The following SOX17 variants were observed in gnomAD, a reference collection of about 807,000 sequenced individuals.
SOX17 encodes the protein SRY-box transcription factor 17, also known as transcription factor SOX-17.
A neutral mutation model predicts 16.0 loss-of-function variants in SOX17; 4 were observed. The ratio of observed to expected loss-of-function variants is 0.25; its 90% CI spans 0.12 to 0.57. The LOEUF is 0.57. Ranked by LOEUF, SOX17 falls within the 20% of genes least tolerant of loss-of-function variation. The pLI, the probability that SOX17 is intolerant of heterozygous loss-of-function variation, is 0.92. For missense variants in SOX17, 633 were observed against 609.7 expected, an observed-to-expected ratio of 1.04 and a Z score of -0.40; for synonymous variants, 357 against 284.6, an observed-to-expected ratio of 1.25 and a Z score of -2.56.
Position 54,460,326 on chromosome 8 carries a change from T to A in SOX17, c.*331T>A. The A allele has an allele frequency of 2.3e-6, 1 of 426,642 alleles. No homozygotes were observed. Among genetic ancestry groups the A allele is most frequent in the South Asian group, 3.1e-5 (1 of 32,786 alleles). 26.4% of individuals were successfully genotyped at this position (426,642 alleles called of 1,614,324 possible). A position where few individuals can be genotyped will look rare whatever the true frequency, so the allele number is the denominator to read the frequency against. On this transcript the variant is annotated 3_prime_UTR_variant, in exon 2 of 2. Transcript: ENST00000297316. ...TTTATTGATCAAAGAAATGTTGTCC[T>A]GGGTGTGTTTTTTCAATCTTCTAAA...
Position 54,457,970 on chromosome 8 carries a change from G to C in SOX17, c.-169G>C, listed in dbSNP as rs922636782. ...TAGGCCGGCTGGGGGCCCTGGGTAC[G>C]CTGTAGACCAGACCGCGACAGGCCA... On this transcript the variant is annotated 5_prime_UTR_variant, in exon 1 of 2. Coordinates refer to ENST00000297316, the MANE Select transcript of SOX17 (RefSeq NM_022454.4). 3 of 789,312 alleles carry C rather than the reference G, an allele frequency of 3.8e-6. No homozygotes were observed. Among genetic ancestry groups the C allele is most frequent in the Non-Finnish European group, 5.5e-6 (3 of 542,682 alleles). 48.9% of individuals were successfully genotyped at this position (789,312 alleles called of 1,614,324 possible). A position where few individuals can be genotyped will look rare whatever the true frequency, so the allele number is the denominator to read the frequency against.
At chr8:54,458,720 G>C (rs1804678399) in intron 1 of SOX17, among the ~76,000 whole-genome samples, 1 of 152,230 alleles carries the variant, frequency 6.6e-6, no homozygotes, top group Admixed American at 6.5e-5. Context: ...GGCACCTCCG[G>C]GCGGCGCGAG....
At position 54,460,214 on chromosome 8, in the gene SOX17, A is replaced by T. The variant is rs768729120; in HGVS notation, c.*219A>T. The T allele has an allele frequency of 2.1e-5, 13 of 608,004 alleles. No individual in the cohort carries two copies. Among genetic ancestry groups the T allele is most frequent in the South Asian group, 1.6e-4 (8 of 49,506 alleles). The allele number at this position is 608,004 out of a possible 1,614,324, so 37.7% of individuals were successfully genotyped here. A position where few individuals can be genotyped will look rare whatever the true frequency, so the allele number is the denominator to read the frequency against. ...AAATTTGTTCAGAGATTTGTTTCCCATAGTTGGATTGTCAAAACCCTATTT... is the reference window on the plus strand; with the variant it reads ...AAATTTGTTCAGAGATTTGTTTCCCTTAGTTGGATTGTCAAAACCCTATTT... On this transcript the variant is annotated 3_prime_UTR_variant, in exon 2 of 2. Transcript: ENST00000297316.
In SOX17 at chr8:54,458,103, G is replaced by A. The variant is rs111291289; in HGVS notation, c.-36G>A. The A allele has an allele frequency of 6.9e-6, 10 of 1,447,802 alleles. No individual in the cohort carries two copies. Among genetic ancestry groups the A allele is most frequent in the East Asian group, 2.6e-5 (1 of 38,296 alleles). The allele number at this position is 1,447,802 out of a possible 1,614,324, so 89.7% of individuals were successfully genotyped here. On this transcript the variant is annotated 5_prime_UTR_variant, in exon 1 of 2. Coordinates refer to ENST00000297316, the MANE Select transcript of SOX17 (RefSeq NM_022454.4). ...GGTCGGGGGAGGCGGCGCGTCCGGC[G>A]GAGGGTTGAGGGGAGCGGGGCAGGC...
Position 54,459,431 on chromosome 8 carries a change from G to A in SOX17, c.681G>A (p.Leu227=), listed in dbSNP as rs1247371413. 6.5e-7 allele frequency: 1 copy of A among 1,528,532 alleles called. No homozygotes were observed. The highest frequency in any genetic ancestry group is 8.7e-7 in the Non-Finnish European group (1 of 1,145,918). The allele number at this position is 1,528,532 out of a possible 1,614,324, so 94.7% of individuals were successfully genotyped here. The change falls in exon 2 of 2, where the codon CTG becomes CTA. Residue 227 remains leucine (L), a synonymous_variant. Transcript: ENST00000297316. Reference sequence around the variant, plus strand: ...TGCCCACGCCCGACACGTCCCCGCTGGACGGCGTGGACCCCGACCCGGCTT... The same window carrying A: ...TGCCCACGCCCGACACGTCCCCGCTAGACGGCGTGGACCCCGACCCGGCTT... ...YPLPTPDTSP[L]DGVDPDPAFF...
chr8:54,458,253 A>T lies in SOX17; in HGVS notation c.115A>T (p.Ile39Phe), dbSNP rs1350735687. 6.2e-7 allele frequency: 1 copy of T among 1,604,820 alleles called. No individual in the cohort carries two copies. The highest frequency in any genetic ancestry group is 8.5e-7 in the Non-Finnish European group (1 of 1,176,524). ...CCCCTGGGCCGAGTCGCTGAGCCCC[A>T]TCGGGGACATGAAGGTGAAGGGCGA... ...PCPWAESLSP[I>F]GDMKVKGEAP... The change falls in exon 1 of 2, where the codon ATC becomes TTC. Residue 39 changes from isoleucine to phenylalanine, a missense_variant. Transcript: ENST00000297316.
At position 54,459,760 on chromosome 8, in the gene SOX17, C is replaced by T; in HGVS notation, c.1010C>T (p.Pro337Leu). The change falls in exon 2 of 2, where the codon CCG becomes CTG. Residue 337 changes from proline (P) to leucine (L), a missense_variant. This residue lies in a region of SOX17 where 479 missense variants were observed against 397.2 expected (regional missense o/e 1.21). Coordinates refer to ENST00000297316, the MANE Select transcript of SOX17 (RefSeq NM_022454.4). ...GGCCCCGGACAGCCGTCGCCCCCTC[C>T]GGAGGCACTGCCCTGCCGGGACGGC... ...PPGPGQPSPP[P>L]EALPCRDGTD... 3 of 1,584,566 alleles carry T rather than the reference C, an allele frequency of 1.9e-6. No individual in the cohort carries two copies. Among genetic ancestry groups the T allele is most frequent in the South Asian group, 2.3e-5 (2 of 87,976 alleles).
rs2129278076 is a variant in SOX17, at chr8:54,459,154, A to C, written c.404A>C (p.Tyr135Ser). The part of the protein sequence containing the change: ...RVQHMQDHPN[Y>S]KYRPRRRKQV... Reference sequence around the variant, plus strand: ...CAGCACATGCAGGACCACCCCAACTACAAGTACCGGCCGCGGCGGCGCAAG... The same window carrying C: ...CAGCACATGCAGGACCACCCCAACTCCAAGTACCGGCCGCGGCGGCGCAAG... The change falls in exon 2 of 2, where the codon TAC (tyrosine) becomes TCC (serine). Residue 135 changes from tyrosine (Y) to serine (S), a missense_variant. Tyr to Ser is a moderately radical substitution (Grantham distance 144, BLOSUM62 -2). This residue lies in a region of SOX17 where 39 missense variants were observed against 46.5 expected (regional missense o/e 0.84). Transcript: ENST00000297316. The C allele has an allele frequency of 6.2e-7, 1 of 1,607,014 alleles. No homozygotes were observed. The highest frequency in any genetic ancestry group is 8.5e-7 in the Non-Finnish European group (1 of 1,177,428).
At position 54,457,956 on chromosome 8, in the gene SOX17, G is replaced by A. The variant is rs564417874; in HGVS notation, c.-183G>A. 808 of 691,352 alleles carry A rather than the reference G, an allele frequency of 1.2e-3. 15 individuals are homozygous for A. In the Admixed American group the frequency reaches 0.026, roughly 22 times the overall value. 42.8% of individuals were successfully genotyped at this position (691,352 alleles called of 1,614,324 possible). A position where few individuals can be genotyped will look rare whatever the true frequency, so the allele number is the denominator to read the frequency against. ...GCCCGCAGTGTCACTAGGCCGGCTG[G>A]GGGCCCTGGGTACGCTGTAGACCAG... On this transcript the variant is annotated 5_prime_UTR_variant, in exon 1 of 2. Coordinates refer to ENST00000297316, the MANE Select transcript of SOX17 (RefSeq NM_022454.4).
At position 54,458,175 on chromosome 8, in the gene SOX17, C is replaced by A; in HGVS notation, c.37C>A (p.Gln13Lys). ...GGATGCGGGATACGCCAGTGACGAC[C>A]AGAGCCAGACCCAGAGCGCGCTGCC... The part of the protein sequence containing the change: ...SPDAGYASDD[Q>K]SQTQSALPAV... Residue 13 changes from glutamine (Q) to lysine (K), a missense_variant, in exon 1 of 2, where the codon CAG (glutamine) becomes AAG (lysine). This residue lies in a region of SOX17 where 94 missense variants were observed against 98.7 expected (regional missense o/e 0.95). Transcript: ENST00000297316. 1 of 1,585,026 alleles carries A rather than the reference C, an allele frequency of 6.3e-7. No individual in the cohort carries two copies. Among genetic ancestry groups the A allele is most frequent in the Non-Finnish European group, 8.5e-7 (1 of 1,171,012 alleles).
In SOX17 at chr8:54,459,221, C is replaced by G. The variant is rs577354460; in HGVS notation, c.471C>G (p.His157Gln). ...RLKRVEGGFLHGLAEPQAAAL... is the reference protein window; with the variant it reads ...RLKRVEGGFLQGLAEPQAAAL... ...AGCGGGTGGAGGGCGGCTTCCTGCA[C>G]GGCCTGGCTGAGCCGCAGGCGGCCG... is the stretch of plus-strand genomic sequence containing the variant. The change falls in exon 2 of 2, where the codon CAC becomes CAG. Residue 157 changes from histidine (H) to glutamine (Q), a missense_variant. This residue lies in a region of SOX17 where 479 missense variants were observed against 397.2 expected (regional missense o/e 1.21). Transcript: ENST00000297316. 1.9e-6 allele frequency: 3 copies of G among 1,555,678 alleles called. No individual in the cohort carries two copies. Among genetic ancestry groups the G allele is most frequent in the Non-Finnish European group, 1.7e-6 (2 of 1,154,224 alleles).
At position 54,459,215 on chromosome 8, in the gene SOX17, C is replaced by A; in HGVS notation, c.465C>A (p.Phe155Leu). ...VKRLKRVEGG[F>L]LHGLAEPQAA... ...GGCTGAAGCGGGTGGAGGGCGGCTT[C>A]CTGCACGGCCTGGCTGAGCCGCAGG... Residue 155 changes from phenylalanine to leucine, a missense_variant, in exon 2 of 2, where the codon TTC becomes TTA. Transcript: ENST00000297316. 1.9e-6 allele frequency: 3 copies of A among 1,563,034 alleles called. No individual in the cohort carries two copies. The highest frequency in any genetic ancestry group is 2.6e-6 in the Non-Finnish European group (3 of 1,157,544).
In SOX17 at chr8:54,458,599, C is replaced by T. The variant is rs1804675992; in HGVS notation, c.307+154C>T. Among the ~76,000 whole-genome samples the T allele has an allele frequency of 1.3e-5, 2 of 152,210 alleles. 1 individual carries two copies. Among genetic ancestry groups the T allele is most frequent in the South Asian group, 4.1e-4 (2 of 4,832 alleles). ...TTCTTAAGGCTCTGGGTTCCCTTCC[C>T]GCTTCCCGCCCTCCGACCCTCCAAA... On this transcript the variant is annotated intron_variant, in intron 1 of 1. Coordinates refer to ENST00000297316, the MANE Select transcript of SOX17 (RefSeq NM_022454.4).
At position 54,458,237 on chromosome 8, in the gene SOX17, C is replaced by A. The variant is rs1363707702; in HGVS notation, c.99C>A (p.Ala33=). The change falls in exon 1 of 2, where the codon GCC becomes GCA. Residue 33 remains alanine, a synonymous_variant. Coordinates refer to ENST00000297316, the MANE Select transcript of SOX17 (RefSeq NM_022454.4). ...CCGGGCTGGGCCCCTGCCCCTGGGC[C>A]GAGTCGCTGAGCCCCATCGGGGACA... is the stretch of plus-strand genomic sequence containing the variant. ...VMAGLGPCPW[A]ESLSPIGDMK... 1 of 1,599,478 alleles carries A rather than the reference C, an allele frequency of 6.3e-7. No homozygotes were observed. The highest frequency in any genetic ancestry group is 1.1e-5 in the South Asian group (1 of 89,628).
chr8:54,459,268 G>A lies in SOX17; in HGVS notation c.518G>A (p.Arg173His), dbSNP rs1010687929. ...QAAALGPEGG[R>H]VAMDGLGLQF... is the part of the protein sequence containing the mutation. ...GCCGCGCTGGGCCCCGAGGGCGGCCGCGTGGCCATGGACGGCCTGGGCCTC... is the reference window on the plus strand; with the variant it reads ...GCCGCGCTGGGCCCCGAGGGCGGCCACGTGGCCATGGACGGCCTGGGCCTC... The change falls in exon 2 of 2, where the codon CGC becomes CAC. Residue 173 changes from arginine (R) to histidine (H), a missense_variant. Arg to His is a conservative substitution (Grantham distance 29). This residue lies in a region of SOX17 where 479 missense variants were observed against 397.2 expected (regional missense o/e 1.21). Transcript: ENST00000297316. The A allele has an allele frequency of 1.3e-6, 2 of 1,503,188 alleles. No homozygotes were observed. Among genetic ancestry groups the A allele is most frequent in the Non-Finnish European group, 1.8e-6 (2 of 1,131,930 alleles). 93.1% of individuals were successfully genotyped at this position (1,503,188 alleles called of 1,614,324 possible).
rs1213937231 is a variant in SOX17 at position 54,457,937 on chromosome 8, A to T, written c.-202A>T. 8.5e-6 allele frequency: 5 copies of T among 589,210 alleles called. No individual in the cohort carries two copies. The highest frequency in any genetic ancestry group is 1.4e-5 in the Non-Finnish European group (5 of 365,036). The allele number at this position is 589,210 out of a possible 1,614,324, so 36.5% of individuals were successfully genotyped here. Reference sequence around the variant, plus strand: ...GGCCCCGCGGCCCAGGGGCGCCCGCAGTGTCACTAGGCCGGCTGGGGGCCC... The same window carrying T: ...GGCCCCGCGGCCCAGGGGCGCCCGCTGTGTCACTAGGCCGGCTGGGGGCCC... On this transcript the variant is annotated 5_prime_UTR_variant, in exon 1 of 2. Coordinates refer to ENST00000297316, the MANE Select transcript of SOX17 (RefSeq NM_022454.4).
Position 54,460,368 on chromosome 8 carries a change from C to T in SOX17, c.*373C>T. On this transcript the variant is annotated 3_prime_UTR_variant, in exon 2 of 2. Coordinates refer to ENST00000297316, the MANE Select transcript of SOX17 (RefSeq NM_022454.4). The stretch of plus-strand genomic sequence containing the variant: ...TCTTCTAAAAAATAAAATCTGGAAT[C>T]CTGCTTTTTTGCTCTACTAGTACCT... The T allele has an allele frequency of 2.6e-6, 1 of 388,868 alleles. No homozygotes were observed. The highest frequency in any genetic ancestry group is 4.4e-5 in the East Asian group (1 of 22,502). The allele number at this position is 388,868 out of a possible 1,614,324, so 24.1% of individuals were successfully genotyped here.
Position 54,459,444 on chromosome 8 carries a change from C to A in SOX17, c.694C>A (p.Pro232Thr), listed in dbSNP as rs765346092. ...CACGTCCCCGCTGGACGGCGTGGAC[C>A]CCGACCCGGCTTTCTTCGCCGCCCC... ...PDTSPLDGVD[P>T]DPAFFAAPMP... is the part of the protein sequence containing the mutation. Residue 232 changes from proline to threonine, a missense_variant, in exon 2 of 2, where the codon CCC (proline) becomes ACC (threonine). Pro to Thr is a conservative substitution (Grantham distance 38). Transcript: ENST00000297316. 1.8e-5 allele frequency: 27 copies of A among 1,524,710 alleles called. No individual in the cohort carries two copies. The highest frequency in any genetic ancestry group is 2.2e-5 in the Non-Finnish European group (25 of 1,143,500). 94.4% of individuals were successfully genotyped at this position (1,524,710 alleles called of 1,614,324 possible).
chr8:54,459,285 C>A lies in SOX17; in HGVS notation c.535C>A (p.Leu179Met), dbSNP rs547235715. 1 of 1,513,296 alleles carries A rather than the reference C, an allele frequency of 6.6e-7. No homozygotes were observed. Among genetic ancestry groups the A allele is most frequent in the African/African-American group, 1.4e-5 (1 of 69,186 alleles). The allele number at this position is 1,513,296 out of a possible 1,614,324, so 93.7% of individuals were successfully genotyped here. Residue 179 changes from leucine (L) to methionine (M), a missense_variant, in exon 2 of 2, where the codon CTG (leucine) becomes ATG (methionine). Physicochemically the swap from Leu to Met is conservative, Grantham distance 15. This residue lies in a region of SOX17 where 479 missense variants were observed against 397.2 expected (regional missense o/e 1.21). Coordinates refer to ENST00000297316, the MANE Select transcript of SOX17 (RefSeq NM_022454.4). ...PEGGRVAMDGLGLQFPEQGFP... is the reference protein window; with the variant it reads ...PEGGRVAMDGMGLQFPEQGFP... ...GGGCGGCCGCGTGGCCATGGACGGC[C>A]TGGGCCTCCAGTTCCCCGAGCAGGG... is the stretch of plus-strand genomic sequence containing the variant.
Sources: allele counts gnomAD v4.1 joint callset (sites outside exome capture counted in the v4.1 genomes callset), GRCh38; gene constraint gnomAD v4.1.1; regional missense constraint gnomAD v4.1.1; transcripts MANE v1.5; gene names NCBI Gene and HGNC (gene_info 2026-07-23, HGNC 2026-07-21).